Variants in ZMYND11 observed in about 807,000 individuals in gnomAD.
ZMYND11 encodes zinc finger MYND domain-containing protein 11.
Under a neutral mutation model 84.9 loss-of-function variants are expected in ZMYND11, and 9 were observed. The observed-to-expected ratio is 0.11, with a 90% CI of 0.06 to 0.18. ZMYND11 has a LOEUF of 0.18. Among genes scored for constraint, ZMYND11 ranks in the 10% least tolerant of loss-of-function variants. ZMYND11 has a pLI of 1.00. For missense variants in ZMYND11, 409 were observed against 761.0 expected, an observed-to-expected ratio of 0.54 and a Z score of 5.44; for synonymous variants, 250 against 244.1, an observed-to-expected ratio of 1.02 and a Z score of -0.23.
chr10:154,728 A>T (rs1450070376), intron 1 of ZMYND11: 1 of 152,216 alleles, frequency 6.6e-6, no homozygotes, highest in African/African-American at 2.4e-5. Flanking sequence ...CTTTTAATAG[A>T]TGTAAAGATT....
chr10:196,337 T>C (rs1025491166), intron 2 of ZMYND11, among the ~76,000 whole-genome samples: 1 of 152,208 alleles, frequency 6.6e-6, no homozygotes, highest in Admixed American at 6.5e-5. Context: ...CAAGAGGAAT[T>C]TTATATCGAA....
intron 2 of ZMYND11, among the ~76,000 whole-genome samples, chr10:186,460 G>A (rs761333712): frequency 6.6e-6 from 1 of 151,702 alleles, no homozygotes; most frequent in Non-Finnish European, 1.5e-5. Context: ...GGCCAACATA[G>A]TGAAACCCTG....
chr10:159,482 C>G (rs530522007), intron 1 of ZMYND11, among the ~76,000 whole-genome samples: 3 of 152,194 alleles, frequency 2.0e-5, no homozygotes, highest in Admixed American at 6.5e-5. Flanking sequence ...TTGCTCTGCT[C>G]TAATGATGAG....
At chr10:191,793 T>G (rs1351016343) in intron 2 of ZMYND11, among the ~76,000 whole-genome samples, 2 of 152,240 alleles carry the variant, frequency 1.3e-5, no homozygotes, top group African/African-American at 4.8e-5. Context: ...CCATTCATTT[T>G]CCTACATGTG....
At chr10:184,673 C>T (rs1263247142) in intron 2 of ZMYND11, among the ~76,000 whole-genome samples, 1 of 152,144 alleles carries the variant, frequency 6.6e-6, no homozygotes, top group Non-Finnish European at 1.5e-5. Context: ...CTTTCTGGCA[C>T]ATTTCTGACC....
chr10:192,662 G>A (rs959657808), intron 2 of ZMYND11, among the ~76,000 whole-genome samples: 6 of 152,192 alleles, frequency 3.9e-5, no homozygotes, highest in South Asian at 2.1e-4. Context: ...GGCCACCTCC[G>A]TCTTCGTGCT....
At chr10:164,829 A>AG (rs1405140507) in intron 1 of ZMYND11, among the ~76,000 whole-genome samples, 1 of 152,168 alleles carries the variant, frequency 6.6e-6, no homozygotes, top group Non-Finnish European at 1.5e-5. Context: ...TAATTACATA[A>AG]GGGTAGGGTT....
intron 2 of ZMYND11, among the ~76,000 whole-genome samples, chr10:190,970 T>C (rs1200858635): frequency 6.6e-6 from 1 of 152,152 alleles, no homozygotes; most frequent in Non-Finnish European, 1.5e-5. Flanking sequence ...TTCCTTTTGA[T>C]GGTGAGCACC....
At chr10:225,280 C>T (rs1158486628) in intron 4 of ZMYND11, among the ~76,000 whole-genome samples, 1 of 152,174 alleles carries the variant, frequency 6.6e-6, no homozygotes, top group Non-Finnish European at 1.5e-5. Context: ...ACATCAACAG[C>T]ACATGAAACT....
chr10:241,232 G>GTGGTGTGATC (rs1950841718), intron 9 of ZMYND11, among the ~76,000 whole-genome samples: 1 of 152,182 alleles, frequency 6.6e-6, no homozygotes, highest in Non-Finnish European at 1.5e-5. Flanking sequence ...CTTGAGTGCA[G>GTGGTGTGATC]TGGTGTGATC....
At chr10:239,068 G>T (rs1423738473) in intron 6 of ZMYND11, among the ~76,000 whole-genome samples, 1 of 152,218 alleles carries the variant, frequency 6.6e-6, no homozygotes, top group Non-Finnish European at 1.5e-5. Context: ...GTGTTGTAAA[G>T]AATGACAGGT....
chr10:146,969 T>A (rs1839030006), intron 1 of ZMYND11, among the ~76,000 whole-genome samples: 1 of 152,260 alleles, frequency 6.6e-6, no homozygotes, highest in South Asian at 2.1e-4. Flanking sequence ...TGTGAGTTCA[T>A]TAAACCTCTC....
intron 3 of ZMYND11, among the ~76,000 whole-genome samples, chr10:217,751 A>C (rs562077673): frequency 1.8e-4 from 27 of 152,230 alleles, no homozygotes; most frequent in African/African-American, 6.5e-4. Context: ...TCATAGAAAA[A>C]CCGTGTAGAC....
At chr10:179,957 CT>C in intron 1 of ZMYND11, 36 bp from the exon 2 acceptor site, 2 of 1,258,856 alleles carry the variant, frequency 1.6e-6, no homozygotes, top group African/African-American at 3.0e-5. Context: ...ATTTTGTAAT[CT>C]GTTTTTTTCC....
Position 208,484 on chromosome 10 carries a change from A to T in ZMYND11, c.117-1405A>T, listed in dbSNP as rs146794958. Among the ~76,000 whole-genome samples, 496 of 152,380 alleles carry T rather than the reference A, an allele frequency of 3.3e-3. 5 individuals carry two copies. The highest frequency in any genetic ancestry group is 0.011 in the African/African-American group (451 of 41,592). ...AACCCCAACAAAAAGTGGACGAAGG[A>T]CATGAACAGACACTTCTCAAAAGAA... On this transcript the variant is annotated intron_variant, in intron 2 of 14. Coordinates refer to ENST00000381604, the MANE Select transcript of ZMYND11 (RefSeq NM_001370100.5).
rs1835956207 is a variant in ZMYND11, at chr10:136,074, GC to G, written c.-20+518del. On this transcript the variant is annotated intron_variant, in intron 1 of 14. Coordinates refer to ENST00000381604, the MANE Select transcript of ZMYND11 (RefSeq NM_001370100.5). ...AGCGGCGGGCAGGGCTGGCCCCGAG[GC>G]CCGGGGCGGAGATTCGTCGGTCCCC... 4.6e-5 allele frequency among the ~76,000 whole-genome samples: 7 copies of G among 152,118 alleles called. No individual in the cohort carries two copies. In the South Asian group the frequency reaches 1.5e-3, roughly 32 times the overall value.
chr10:209,622 T>G (rs1944815250), intron 2 of ZMYND11, among the ~76,000 whole-genome samples: 1 of 152,208 alleles, frequency 6.6e-6, no homozygotes, highest in South Asian at 2.1e-4. Flanking sequence ...ATTCGCTGAT[T>G]TGGGACTATT....
At chr10:195,605 T>C (rs1173332720) in intron 2 of ZMYND11, among the ~76,000 whole-genome samples, 1 of 152,178 alleles carries the variant, frequency 6.6e-6, no homozygotes, top group African/African-American at 2.4e-5. Context: ...TTCTGTAAAC[T>C]TCAAAAACAG....
chr10:238,773 T>A (rs960579674), intron 6 of ZMYND11, among the ~76,000 whole-genome samples: 3 of 152,140 alleles, frequency 2.0e-5, no homozygotes, highest in African/African-American at 7.2e-5. Flanking sequence ...ACCAAGTAGT[T>A]TTAATTTTAC....
Sources: allele counts gnomAD v4.1 joint callset (sites outside exome capture counted in the v4.1 genomes callset), GRCh38; gene constraint gnomAD v4.1.1; transcripts MANE v1.5; gene names NCBI Gene and HGNC (gene_info 2026-07-23, HGNC 2026-07-21).